NHSL2: variants seen among roughly 807,000 people sequenced by gnomAD.
NHSL2 encodes the protein NHS like 2.
A neutral mutation model predicts 53.4 loss-of-function variants in NHSL2; 27 were observed. The observed-to-expected ratio is 0.51, with a 90% CI of 0.37 to 0.70. The LOEUF (loss-of-function observed/expected upper bound fraction) is 0.70, where lower values mean the gene tolerates loss of function less well. Among genes scored for constraint, NHSL2 ranks in the 30% least tolerant of loss-of-function variants. NHSL2 has a pLI of 0.00. For missense variants in NHSL2, 892 were observed against 980.1 expected (o/e 0.91, Z 1.20); for synonymous variants, 408 against 404.1 (o/e 1.01, Z -0.12).
At chrX:72,042,747 C>G (rs1371129448) in intron 1 of NHSL2, among the ~76,000 whole-genome samples, 9 of 44,400 alleles carry the variant, frequency 2.0e-4, no homozygotes, top group South Asian at 1.5e-3. Flanking sequence ...GAAGACAATC[C>G]CTGAGCCAAA....
chrX:72,074,693 T>C (rs1174579934), intron 1 of NHSL2, among the ~76,000 whole-genome samples: 1 of 112,791 alleles, frequency 8.9e-6, no homozygotes, highest in Non-Finnish European at 1.9e-5. Flanking sequence ...TTCACTGAAA[T>C]ATGGTAGACC....
At chrX:72,133,263 G>A (rs764955138) in intron 2 of NHSL2, among the ~76,000 whole-genome samples, 3 of 111,971 alleles carry the variant, frequency 2.7e-5, no homozygotes, top group Non-Finnish European at 5.6e-5. Context: ...AGGTGTGTGC[G>A]CTGAGGCTGA....
chrX:72,029,638 G>T (rs996962432), intron 1 of NHSL2, among the ~76,000 whole-genome samples: 3 of 112,928 alleles, frequency 2.7e-5, no homozygotes, highest in African/African-American at 9.7e-5. Flanking sequence ...CACATGCTCT[G>T]CCCACTTCTT....
chrX:72,140,628 C>T lies in NHSL2; in HGVS notation c.3080C>T (p.Ala1027Val). 1 of 1,212,048 alleles carries T rather than the reference C, an allele frequency of 8.3e-7. No individual in the cohort carries two copies. Among genetic ancestry groups the T allele is most frequent in the East Asian group, 3.0e-5 (1 of 33,863 alleles). ...ACAGCTCAAATGGAGGCCTATGTGGCAGAACCAAGGCTGCCTCTCAGCCCC... is the reference window on the plus strand; with the variant it reads ...ACAGCTCAAATGGAGGCCTATGTGGTAGAACCAAGGCTGCCTCTCAGCCCC... ...SPTAQMEAYV[A>V]EPRLPLSPII... Residue 1027 changes from alanine to valine, a missense_variant, in exon 6 of 8, where the codon GCA (alanine) becomes GTA (valine). Ala to Val is a moderately conservative substitution (Grantham distance 64). Coordinates refer to ENST00000633930, the MANE Select transcript of NHSL2 (RefSeq NM_001013627.3).
chrX:71,993,470 G>C (rs2042036408), intron 1 of NHSL2, among the ~76,000 whole-genome samples: 1 of 111,883 alleles, frequency 8.9e-6, no homozygotes, highest in Admixed American at 9.4e-5. Context: ...TCTGCACACT[G>C]CCCAGCCTCT....
intron 1 of NHSL2, among the ~76,000 whole-genome samples, chrX:71,975,265 C>T (rs1478933213): frequency 8.9e-6 from 1 of 111,979 alleles, no homozygotes; most frequent in African/African-American, 3.2e-5. Flanking sequence ...CTCTGATTTA[C>T]TCTCTCCATC....
At chrX:72,090,148 C>T (rs766302327) in intron 1 of NHSL2, among the ~76,000 whole-genome samples, 2 of 111,283 alleles carry the variant, frequency 1.8e-5, no homozygotes, top group Non-Finnish European at 3.8e-5. Context: ...ACTGCAGCCT[C>T]GAATTCCCAG....
At chrX:71,936,228 G>A (rs1390906906) in intron 1 of NHSL2, among the ~76,000 whole-genome samples, 1 of 111,920 alleles carries the variant, frequency 8.9e-6, no homozygotes. Flanking sequence ...TGAGAGGCAG[G>A]CTGTGCTCCC....
intron 1 of NHSL2, among the ~76,000 whole-genome samples, chrX:71,957,336 G>A (rs181816644): frequency 3.6e-4 from 40 of 112,316 alleles, no homozygotes; most frequent in Non-Finnish European, 6.8e-4. Flanking sequence ...GCACGATCTC[G>A]GCTCACTGCG....
rs751349644 is a variant in NHSL2 at position 72,093,713 on chromosome X, G to GCTTTCTTTCTTTCTTTCTTTCTTT, written c.281-38363_281-38362insTCTTTCTTTCTTTCTTTCTTTCTT. ...TGTGTGTGAATATTCCCCTAGTATAGCTTGCTTGCTTTCTTTCTTTCTTTC... is the reference window on the plus strand; with the variant it reads ...TGTGTGTGAATATTCCCCTAGTATAGCTTTCTTTCTTTCTTTCTTTCTTTCTTGCTTGCTTTCTTTCTTTCTTTC... On this transcript the variant is annotated intron_variant, in intron 1 of 7. Transcript: ENST00000633930. Among the ~76,000 whole-genome samples the GCTTTCTTTCTTTCTTTCTTTCTTT allele has an allele frequency of 8.6e-4, 44 of 50,881 alleles. 1 individual carries two copies. The highest frequency in any genetic ancestry group is 8.1e-3 in the East Asian group (17 of 2,092). The allele number at this position is 50,881 out of a possible 115,157, so 44.2% of individuals were successfully genotyped here. A position where few individuals can be genotyped will look rare whatever the true frequency, so the allele number is the denominator to read the frequency against.
chrX:71,947,950 G>T (rs781324217), intron 1 of NHSL2, among the ~76,000 whole-genome samples: 1 of 111,282 alleles, frequency 9.0e-6, no homozygotes, highest in Admixed American at 9.5e-5. Context: ...AGTGTACACT[G>T]CTCTGGTGAT....
At chrX:71,933,628 G>A (rs763806164) in intron 1 of NHSL2, among the ~76,000 whole-genome samples, 2 of 111,636 alleles carry the variant, frequency 1.8e-5, no homozygotes, top group Non-Finnish European at 3.8e-5. Flanking sequence ...TCTCTAAGTG[G>A]ACATAAAATT....
Position 71,964,039 on chromosome X carries a change from A to ATATG in NHSL2, c.280+52676_280+52679dup, listed in dbSNP as rs1380843738. ...TATATATATATGTGTATATATATAT[A>ATATG]TATGTATATATATATATGTGTATAT... is the stretch of plus-strand genomic sequence containing the variant. On this transcript the variant is annotated intron_variant, in intron 1 of 7. Transcript: ENST00000633930. Among the ~76,000 whole-genome samples, 2 of 37,506 alleles carry ATATG rather than the reference A, an allele frequency of 5.3e-5. 1 individual carries two copies. The highest frequency in any genetic ancestry group is 2.2e-3 in the South Asian group (2 of 898). The allele number at this position is 37,506 out of a possible 115,157, so 32.6% of individuals were successfully genotyped here.
chrX:72,113,226 T>C (rs2042107432), intron 1 of NHSL2, among the ~76,000 whole-genome samples: 1 of 111,886 alleles, frequency 8.9e-6, no homozygotes, highest in Non-Finnish European at 1.9e-5. Flanking sequence ...GCCTCATCCC[T>C]GAGTGACTTT....
chrX:72,137,091 C>T lies in NHSL2; in HGVS notation c.761-3C>T. ...CACCCAAGTGTCTTTATTTTGGCTACAGGGCAGCAGTTTGATAAACATGCA... is the reference window on the plus strand; with the variant it reads ...CACCCAAGTGTCTTTATTTTGGCTATAGGGCAGCAGTTTGATAAACATGCA... On this transcript the variant is annotated splice_region_variant and splice_polypyrimidine_tract_variant and intron_variant, in intron 4 of 7. Coordinates refer to ENST00000633930, the MANE Select transcript of NHSL2 (RefSeq NM_001013627.3). The T allele has an allele frequency of 2.6e-6, 3 of 1,164,817 alleles. No individual in the cohort carries two copies. The highest frequency in any genetic ancestry group is 3.4e-6 in the Non-Finnish European group (3 of 870,983).
intron 1 of NHSL2, among the ~76,000 whole-genome samples, chrX:71,960,036 T>C (rs1013943909): frequency 8.9e-6 from 1 of 112,459 alleles, no homozygotes; most frequent in Non-Finnish European, 1.9e-5. Flanking sequence ...TTCTGCAATG[T>C]TGTCTTGCTT....
At position 71,964,027 on chromosome X, in the gene NHSL2, G is replaced by GTA. The variant is rs1556312358; in HGVS notation, c.280+52674_280+52675dup. Among the ~76,000 whole-genome samples the GTA allele has an allele frequency of 1.4e-3, 20 of 14,185 alleles. 3 individuals are homozygous for GTA. Among genetic ancestry groups the GTA allele is most frequent in the African/African-American group, 2.2e-3 (18 of 8,090 alleles). 12.3% of individuals were successfully genotyped at this position (14,185 alleles called of 115,157 possible). ...TATATATATGTATATATATATATGT[G>GTA]TATATATATATATATGTATATATAT... is the stretch of plus-strand genomic sequence containing the variant. On this transcript the variant is annotated intron_variant, in intron 1 of 7. Transcript: ENST00000633930.
intron 1 of NHSL2, among the ~76,000 whole-genome samples, chrX:72,052,418 A>T (rs1438194061): frequency 8.9e-6 from 1 of 112,419 alleles, no homozygotes; most frequent in South Asian, 3.6e-4. Flanking sequence ...GGAGAACCAT[A>T]TTTCAGATAA....
At chrX:72,120,286 G>A (rs1229002999) in intron 1 of NHSL2, among the ~76,000 whole-genome samples, 1 of 112,231 alleles carries the variant, frequency 8.9e-6, no homozygotes, top group East Asian at 2.8e-4. Context: ...TTCTTTAAAT[G>A]TTTGGAAGAA....
Sources: gnomAD v4.1 joint callset for allele counts (sites outside exome capture counted in the v4.1 genomes callset) on GRCh38, gnomAD v4.1.1 for gene constraint, MANE v1.5 for transcripts, NCBI Gene and HGNC (gene_info 2026-07-23, HGNC 2026-07-21) for gene names.